The following SAMD4A variants were observed in gnomAD, a reference collection of about 807,000 sequenced individuals.
SAMD4A encodes sterile alpha motif domain containing 4A, also known as protein Smaug homolog 1.
In SAMD4A, 33 loss-of-function variants were observed where a neutral mutation model predicts 81.3. The ratio of observed to expected loss-of-function variants is 0.41; its 90% confidence interval spans 0.31 to 0.54. SAMD4A has a LOEUF of 0.54. Ranked by LOEUF, SAMD4A falls within the 20% of genes least tolerant of loss-of-function variation. The pLI is 0.37. For synonymous variants in SAMD4A, 389 were observed against 382.1 expected, an observed-to-expected ratio of 1.02 and a Z score of -0.21; for missense variants, 854 against 951.1, an observed-to-expected ratio of 0.90 and a Z score of 1.34.
chr14:54,790,084 C>T lies in SAMD4A; in HGVS notation c.*1140C>T, dbSNP rs2039233673. 1 of 152,196 alleles carries T rather than the reference C, an allele frequency of 6.6e-6. No homozygotes were observed. Among genetic ancestry groups the T allele is most frequent in the African/African-American group, 2.4e-5 (1 of 41,434 alleles). The allele number at this position is 152,196 out of a possible 1,614,324, so 9.4% of individuals were successfully genotyped here. A position where few individuals can be genotyped will look rare whatever the true frequency, so the allele number is the denominator to read the frequency against. On this transcript the variant is annotated 3_prime_UTR_variant, in exon 13 of 13. Transcript: ENST00000554335. Reference sequence around the variant, plus strand: ...AAAAGGCAAGGATGGACTTTTTCCCCTTGTGAGAGGTTTGATACCCAGAAA... The same window carrying T: ...AAAAGGCAAGGATGGACTTTTTCCCTTTGTGAGAGGTTTGATACCCAGAAA...
chr14:54,792,880 C>T lies in SAMD4A; in HGVS notation c.*3936C>T, dbSNP rs1025979731. ...TCCTCCCTTATTAATATATAATCCT[C>T]ATGTATTTATGCCTAATGTAAGCTG... On this transcript the variant is annotated 3_prime_UTR_variant, in exon 13 of 13. Transcript: ENST00000554335. 3 of 152,196 alleles carry T rather than the reference C, an allele frequency of 2.0e-5. No homozygotes were observed. The highest frequency in any genetic ancestry group is 6.5e-5 in the Admixed American group (1 of 15,284). The allele number at this position is 152,196 out of a possible 1,614,324, so 9.4% of individuals were successfully genotyped here. A position where few individuals can be genotyped will look rare whatever the true frequency, so the allele number is the denominator to read the frequency against.
At chr14:54,581,755 A>T (rs922804644) in intron 2 of SAMD4A, among the ~76,000 whole-genome samples, 3 of 152,214 alleles carry the variant, frequency 2.0e-5, no homozygotes, top group African/African-American at 7.2e-5. Flanking sequence ...ATTTCTGATA[A>T]TTTTTTAAAA....
intron 2 of SAMD4A, among the ~76,000 whole-genome samples, chr14:54,656,100 G>C (rs937799446): frequency 1.3e-5 from 2 of 152,116 alleles, no homozygotes; most frequent in Non-Finnish European, 2.9e-5. Context: ...AGCTAGTTTT[G>C]TGGTGGACGT....
At chr14:54,778,024 AGAATCTGGACAAG>A (rs990413642) in intron 11 of SAMD4A, among the ~76,000 whole-genome samples, 1 of 152,188 alleles carries the variant, frequency 6.6e-6, no homozygotes, top group African/African-American at 2.4e-5. Flanking sequence ...CCAATAAAAA[AGAATCTGGACAAG>A]ATTTGAAGAG....
chr14:54,744,403 G>C (rs543455145), intron 4 of SAMD4A, among the ~76,000 whole-genome samples: 2 of 152,314 alleles, frequency 1.3e-5, no homozygotes, highest in African/African-American at 4.8e-5. Context: ...ACACCGCACA[G>C]CCTCCCTGTG....
chr14:54,776,815 G>A (rs2038862903), intron 11 of SAMD4A, among the ~76,000 whole-genome samples: 1 of 152,100 alleles, frequency 6.6e-6, no homozygotes. Flanking sequence ...GATAGCACAA[G>A]AGGGCTTTGG....
At chr14:54,629,834 G>A (rs903709756) in intron 2 of SAMD4A, among the ~76,000 whole-genome samples, 9 of 151,964 alleles carry the variant, frequency 5.9e-5, no homozygotes, top group African/African-American at 9.7e-5. Flanking sequence ...AAACAATCAC[G>A]CCCCATTACT....
At chr14:54,727,686 G>GTGTA (rs2037459413) in intron 3 of SAMD4A, among the ~76,000 whole-genome samples, 1 of 152,170 alleles carries the variant, frequency 6.6e-6, no homozygotes, top group African/African-American at 2.4e-5. Context: ...ATTTGTGTCT[G>GTGTA]TGTATGACCA....
At chr14:54,624,935 A>G (rs2034709907) in intron 2 of SAMD4A, among the ~76,000 whole-genome samples, 1 of 152,206 alleles carries the variant, frequency 6.6e-6, no homozygotes, top group Non-Finnish European at 1.5e-5. Context: ...TTTTGTCACT[A>G]ATAGAAGTCT....
intron 2 of SAMD4A, among the ~76,000 whole-genome samples, chr14:54,571,896 C>T (rs2033140121): frequency 6.6e-6 from 1 of 152,112 alleles, no homozygotes; most frequent in African/African-American, 2.4e-5. Flanking sequence ...TATGTTGGTT[C>T]CATGATTTTT....
At chr14:54,748,744 C>T in intron 4 of SAMD4A, 71 bp from the exon 5 acceptor site, 1 of 1,052,666 alleles carries the variant, frequency 9.5e-7, no homozygotes. Context: ...TTCTCTGTTC[C>T]TACATCTCTC....
At chr14:54,646,341 G>A (rs950860684) in intron 2 of SAMD4A, among the ~76,000 whole-genome samples, 2 of 152,284 alleles carry the variant, frequency 1.3e-5, no homozygotes, top group African/African-American at 2.4e-5. Context: ...CCCAAACAGA[G>A]GGCATAAATG....
rs543492490 is a variant in SAMD4A at position 54,609,726 on chromosome 14, A to G, written c.196+41614A>G. Among the ~76,000 whole-genome samples the G allele has an allele frequency of 2.5e-4, 38 of 152,310 alleles. No homozygotes were observed. The South Asian group carries it at 7.7e-3, about 31-fold the overall frequency. ...GCTGCCCTTTTTTCTCTGCCACACA[A>G]TTTCTCTGAGTGGACCCTTCTTGAC... On this transcript the variant is annotated intron_variant, in intron 2 of 12. Transcript: ENST00000554335.
chr14:54,681,869 A>C, intron 2 of SAMD4A: 1 of 985,456 alleles, frequency 1.0e-6, no homozygotes, highest in South Asian at 4.7e-5. Flanking sequence ...CGGTTTAAGT[A>C]AGCTGTGACA....
rs189956537 is a variant in SAMD4A at position 54,784,654 on chromosome 14, C to T, written c.2128+34C>T. 2.3e-4 allele frequency: 366 copies of T among 1,580,828 alleles called. 2 individuals carry two copies. Among genetic ancestry groups the T allele is most frequent in the Middle Eastern group, 2.0e-3 (12 of 5,988 alleles). On this transcript the variant is annotated intron_variant, in intron 12 of 12. Transcript: ENST00000554335. ...GTTCTTCCTGCATGTCCCCATGTCC[C>T]TGTTACCGTGTGCCTGGGAGAACTG...
chr14:54,778,486 A>C (rs970647530), intron 11 of SAMD4A, among the ~76,000 whole-genome samples: 1 of 152,128 alleles, frequency 6.6e-6, no homozygotes, highest in African/African-American at 2.4e-5. Flanking sequence ...GCTGTGAGCA[A>C]AAAGTGACTG....
In SAMD4A at chr14:54,609,000, G is replaced by C. The variant is rs1594728899; in HGVS notation, c.196+40888G>C. ...ATGTTTTTTCTTGAAAATTAATGAA[G>C]GCAAATGTTCATTTTATTCCTGGTA... On this transcript the variant is annotated intron_variant, in intron 2 of 12. Transcript: ENST00000554335. Among the ~76,000 whole-genome samples, 8 of 152,300 alleles carry C rather than the reference G, an allele frequency of 5.3e-5. No individual in the cohort carries two copies. The South Asian group carries it at 1.7e-3, about 32-fold the overall frequency.
intron 4 of SAMD4A, among the ~76,000 whole-genome samples, chr14:54,737,597 C>T (rs2037732743): frequency 7.4e-6 from 1 of 135,840 alleles, no homozygotes; most frequent in Non-Finnish European, 1.5e-5. Flanking sequence ...AAATGAGTCA[C>T]AGCTAATGGT....
intron 3 of SAMD4A, among the ~76,000 whole-genome samples, chr14:54,723,103 GAA>G (rs5808793): frequency 0.57 from 85,144 of 150,524 alleles, 27,140 homozygotes; most frequent in Admixed American, 0.68. Flanking sequence ...TTTTTAAATA[GAA>G]AAAAAAAAAA....
Sources: gnomAD v4.1 joint callset for allele counts (sites outside exome capture counted in the v4.1 genomes callset) on GRCh38, gnomAD v4.1.1 for gene constraint, MANE v1.5 for transcripts, NCBI Gene and HGNC (gene_info 2026-07-23, HGNC 2026-07-21) for gene names.